Variants in TGFBR3 observed in about 807,000 individuals in gnomAD.
The protein encoded by TGFBR3 is transforming growth factor beta receptor 3, also known as transforming growth factor beta receptor type 3.
TGFBR3 carries 46 observed loss-of-function variants against 87.9 expected under a neutral mutation model. The observed-to-expected ratio is 0.52, with a 90% CI of 0.41 to 0.67. TGFBR3 has a LOEUF of 0.67. Among genes scored for constraint, TGFBR3 ranks in the 30% least tolerant of loss-of-function variants. TGFBR3 has a pLI of 0.00. For missense variants in TGFBR3, 866 were observed against 1,041.9 expected, an observed-to-expected ratio of 0.83 and a Z score of 2.32; for synonymous variants, 381 against 391.6, an observed-to-expected ratio of 0.97 and a Z score of 0.32.
At chr1:91,850,250 A>G (rs1214264769) in intron 2 of TGFBR3, among the ~76,000 whole-genome samples, 2 of 152,182 alleles carry the variant, frequency 1.3e-5, no homozygotes, top group Non-Finnish European at 2.9e-5. Flanking sequence ...TCTAAAACAT[A>G]GTAGTTATTT....
At chr1:91,864,047 G>A (rs1678293612) in intron 1 of TGFBR3, 1 of 152,174 alleles carries the variant, frequency 6.6e-6, no homozygotes, top group East Asian at 1.9e-4. Flanking sequence ...AAACCTCTCT[G>A]AAACAATATG....
intron 2 of TGFBR3, among the ~76,000 whole-genome samples, chr1:91,891,744 CT>C (rs1339775435): frequency 1.3e-5 from 2 of 152,180 alleles, no homozygotes; most frequent in African/African-American, 4.8e-5. Flanking sequence ...ACTACAGTAT[CT>C]GCCCTTATTT....
chr1:91,760,948 A>C (rs1309040012), intron 3 of TGFBR3, among the ~76,000 whole-genome samples: 1 of 152,136 alleles, frequency 6.6e-6, no homozygotes, highest in Non-Finnish European at 1.5e-5. Context: ...GTGTACCTGA[A>C]AACTGCAAAG....
intron 16 of TGFBR3, among the ~76,000 whole-genome samples, chr1:91,686,327 A>G (rs914704606): frequency 2.6e-5 from 4 of 152,210 alleles, no homozygotes; most frequent in Non-Finnish European, 5.9e-5. Flanking sequence ...CTGGTAATGC[A>G]AAACACTTCA....
At chr1:91,807,096 T>C (rs1055544172) in intron 2 of TGFBR3, among the ~76,000 whole-genome samples, 2 of 152,220 alleles carry the variant, frequency 1.3e-5, no homozygotes, top group African/African-American at 4.8e-5. Flanking sequence ...CATATGCTCA[T>C]GTTTGTACCA....
chr1:91,698,069 A>C lies in TGFBR3; in HGVS notation c.2329+20T>G, dbSNP rs780337931. 6.2e-7 allele frequency: 1 copy of C among 1,612,988 alleles called. No homozygotes were observed. The highest frequency in any genetic ancestry group is 8.5e-7 in the Non-Finnish European group (1 of 1,178,972). On this transcript the variant is annotated intron_variant, in intron 15 of 16. Coordinates refer to ENST00000212355, the MANE Select transcript of TGFBR3 (RefSeq NM_003243.5). ...AAAGCCCAGGAGGTTTTATTTCGAA[A>C]TAGTTGCATAAAGACTTACGTGGAG...
intron 16 of TGFBR3, 62 bp downstream of exon 16, chr1:91,695,606 CTGAG>C (rs1671407682): frequency 8.2e-7 from 1 of 1,218,256 alleles, no homozygotes; most frequent in Admixed American, 1.7e-5. Flanking sequence ...CAACAAAACA[CTGAG>C]TGTCTATTGT....
chr1:91,786,161 A>C (rs1453100479), intron 3 of TGFBR3: 7 of 455,700 alleles, frequency 1.5e-5, no homozygotes, highest in Non-Finnish European at 3.1e-5. Context: ...CATAAAAATG[A>C]GTAAGAATCT....
At chr1:91,754,807 A>G (rs1271197449) in intron 4 of TGFBR3, among the ~76,000 whole-genome samples, 1 of 152,216 alleles carries the variant, frequency 6.6e-6, no homozygotes, top group African/African-American at 2.4e-5. Flanking sequence ...AGTCATAACA[A>G]CACAGACATG....
intron 2 of TGFBR3, among the ~76,000 whole-genome samples, chr1:91,815,165 G>A (rs1676171234): frequency 6.6e-6 from 1 of 152,116 alleles, no homozygotes; most frequent in Non-Finnish European, 1.5e-5. Context: ...AGCCGAGCAT[G>A]GTTGTGGGGG....
chr1:91,768,335 T>C (rs1450430334), intron 3 of TGFBR3, among the ~76,000 whole-genome samples: 1 of 152,172 alleles, frequency 6.6e-6, no homozygotes, highest in Non-Finnish European at 1.5e-5. Flanking sequence ...ATATAAACTA[T>C]CTCAGAGCAT....
intron 1 of TGFBR3, among the ~76,000 whole-genome samples, chr1:91,869,223 T>A (rs13374446): frequency 0.012 from 1,831 of 152,296 alleles, 30 homozygotes; most frequent in African/African-American, 0.031. Flanking sequence ...GTAATTATTA[T>A]GTAATTATTT....
intron 6 of TGFBR3, among the ~76,000 whole-genome samples, chr1:91,729,568 G>A (rs1280286211): frequency 2.0e-5 from 3 of 152,190 alleles, no homozygotes; most frequent in African/African-American, 7.2e-5. Flanking sequence ...GACAGATGCA[G>A]AATATAAAAT....
rs927630456 is a variant in TGFBR3 at position 91,680,892 on chromosome 1, A to G, written c.*2847T>C. The G allele has an allele frequency of 1.1e-5, 5 of 452,074 alleles. No individual in the cohort carries two copies. Among genetic ancestry groups the G allele is most frequent in the African/African-American group, 2.0e-5 (1 of 49,882 alleles). The allele number at this position is 452,074 out of a possible 1,614,324, so 28.0% of individuals were successfully genotyped here. Reference sequence around the variant, plus strand: ...TTTTTTTGTTTAGAAAATGCTATAGAAACAGTTTAGACAGAAGAAATCTCT... The same window carrying G: ...TTTTTTTGTTTAGAAAATGCTATAGGAACAGTTTAGACAGAAGAAATCTCT... On this transcript the variant is annotated 3_prime_UTR_variant, in exon 17 of 17. Coordinates refer to ENST00000212355, the MANE Select transcript of TGFBR3 (RefSeq NM_003243.5).
chr1:91,815,850 A>C (rs1676203330), intron 2 of TGFBR3, among the ~76,000 whole-genome samples: 1 of 152,252 alleles, frequency 6.6e-6, no homozygotes, highest in Admixed American at 6.5e-5. Flanking sequence ...GGCTGTAATC[A>C]GACTCTTCCC....
chr1:91,701,169 C>A (rs1281811005), intron 14 of TGFBR3, among the ~76,000 whole-genome samples: 1 of 151,978 alleles, frequency 6.6e-6, no homozygotes, highest in African/African-American at 2.4e-5. Context: ...TCCTTTACCC[C>A]CACCCCAAAT....
At chr1:91,736,109 C>G (rs1672958536) in intron 4 of TGFBR3, among the ~76,000 whole-genome samples, 1 of 152,044 alleles carries the variant, frequency 6.6e-6, no homozygotes, top group South Asian at 2.1e-4. Flanking sequence ...ATAAACGTAT[C>G]TTCTAAAAAC....
rs1671878200 is a variant in TGFBR3, at chr1:91,708,573, G to C, written c.2287+90C>G. 3.8e-6 allele frequency: 6 copies of C among 1,597,886 alleles called. No homozygotes were observed. In the Admixed American group the frequency reaches 1.0e-4, roughly 27 times the overall value. ...CTAACTGGCCCTTTAGTTATCTTGT[G>C]AATAAAGCTGGACTTTGATTTACAC... On this transcript the variant is annotated intron_variant, in intron 14 of 16. Transcript: ENST00000212355.
intron 2 of TGFBR3, among the ~76,000 whole-genome samples, chr1:91,828,611 G>A (rs574719141): frequency 9.2e-5 from 14 of 152,320 alleles, no homozygotes; most frequent in East Asian, 1.9e-4. Flanking sequence ...AAGCAGAAAC[G>A]GAGGTGCAAG....
Sources: allele counts gnomAD v4.1 joint callset (sites outside exome capture counted in the v4.1 genomes callset), GRCh38; gene constraint gnomAD v4.1.1; transcripts MANE v1.5; gene names NCBI Gene and HGNC (gene_info 2026-07-23, HGNC 2026-07-21).